The following PPP3CA variants were observed in gnomAD, a reference collection of about 807,000 sequenced individuals.
PPP3CA encodes the protein CAM-PRP catalytic subunit.
A neutral mutation model predicts 66.5 loss-of-function variants in PPP3CA; 14 were observed. That is an observed-to-expected ratio of 0.21 (90% confidence interval 0.14 to 0.33). The LOEUF (loss-of-function observed/expected upper bound fraction) is 0.33, where lower values mean the gene tolerates loss of function less well. Ranked by LOEUF, PPP3CA falls within the 10% of genes least tolerant of loss-of-function variation. The pLI is 1.00. For synonymous variants in PPP3CA, 232 were observed against 226.2 expected (o/e 1.03, Z -0.23); for missense variants, 317 against 639.5 (o/e 0.50, Z 5.44).
chr4:101,200,318 T>C (rs762356690), intron 1 of PPP3CA, among the ~76,000 whole-genome samples: 4 of 152,180 alleles, frequency 2.6e-5, no homozygotes, highest in African/African-American at 7.2e-5. Context: ...TGCAAAGACA[T>C]TGCATCTGTC....
intron 2 of PPP3CA, among the ~76,000 whole-genome samples, chr4:101,162,981 G>T (rs1337661995): frequency 1.3e-5 from 2 of 152,186 alleles, no homozygotes; most frequent in African/African-American, 2.4e-5. Context: ...CTTAGGTTCA[G>T]CCAAGGAGAT....
intron 7 of PPP3CA, among the ~76,000 whole-genome samples, chr4:101,082,927 G>A (rs1485030934): frequency 2.0e-5 from 3 of 152,140 alleles, no homozygotes; most frequent in African/African-American, 4.8e-5. Context: ...TGCCCTTACA[G>A]TACTTAAGAA....
intron 3 of PPP3CA, among the ~76,000 whole-genome samples, chr4:101,106,735 C>T (rs1730772911): frequency 6.6e-6 from 1 of 152,116 alleles, no homozygotes; most frequent in South Asian, 2.1e-4. Flanking sequence ...CCTTCTCTTT[C>T]TCCCTTTCCT....
intron 1 of PPP3CA, among the ~76,000 whole-genome samples, chr4:101,221,465 A>G (rs1725622418): frequency 6.6e-6 from 1 of 151,320 alleles, no homozygotes; most frequent in African/African-American, 2.4e-5. Flanking sequence ...GCATATTTTG[A>G]GAAGTAAACA....
intron 2 of PPP3CA, among the ~76,000 whole-genome samples, chr4:101,168,617 C>T (rs1461663274): frequency 2.0e-5 from 3 of 152,070 alleles, no homozygotes; most frequent in Admixed American, 6.6e-5. Flanking sequence ...AGCAGGTGAG[C>T]ATGGTATCCT....
At position 101,308,081 on chromosome 4, in the gene PPP3CA, A is replaced by C. The variant is rs116237817; in HGVS notation, c.58+38658T>G. ...TCATCTATTGGGTGTGCCTCCAAAC[A>C]ATTTAACAGTACACTTTATAATGAC... On this transcript the variant is annotated intron_variant, in intron 1 of 13. Transcript: ENST00000394854. 3.3e-3 allele frequency among the ~76,000 whole-genome samples: 496 copies of C among 152,290 alleles called. 2 individuals carry two copies. The highest frequency in any genetic ancestry group is 3.6e-3 in the Non-Finnish European group (242 of 68,024).
intron 1 of PPP3CA, among the ~76,000 whole-genome samples, chr4:101,276,866 G>A (rs572540354): frequency 1.5e-4 from 22 of 151,488 alleles, no homozygotes; most frequent in Non-Finnish European, 1.0e-4. Context: ...CTGAGCCAGC[G>A]TTGATACGTT....
chr4:101,266,123 T>C (rs1056630749), intron 1 of PPP3CA, among the ~76,000 whole-genome samples: 1 of 152,134 alleles, frequency 6.6e-6, no homozygotes. Context: ...TAATTAATAA[T>C]TCCAGACTGT....
In PPP3CA at chr4:101,340,891, A is replaced by C. The variant is rs568991545; in HGVS notation, c.58+5848T>G. Among the ~76,000 whole-genome samples the C allele has an allele frequency of 4.6e-5, 7 of 152,328 alleles. No individual in the cohort carries two copies. In the South Asian group the frequency reaches 1.4e-3, roughly 32 times the overall value. ...AAGTGGAGTTCAGAAAAACAGGCTT[A>C]AGACAACATCCTTCAAAATGAAAGT... On this transcript the variant is annotated intron_variant, in intron 1 of 13. Coordinates refer to ENST00000394854, the MANE Select transcript of PPP3CA (RefSeq NM_000944.5).
At chr4:101,273,494 T>C (rs1319434837) in intron 1 of PPP3CA, among the ~76,000 whole-genome samples, 1 of 152,196 alleles carries the variant, frequency 6.6e-6, no homozygotes, top group Non-Finnish European at 1.5e-5. Context: ...GCTCAGCTAA[T>C]TTTTGTACTA....
At chr4:101,245,357 C>T (rs985190408) in intron 1 of PPP3CA, among the ~76,000 whole-genome samples, 4 of 152,174 alleles carry the variant, frequency 2.6e-5, no homozygotes, top group African/African-American at 9.7e-5. Flanking sequence ...GGGCTTATTT[C>T]TGATTTCTCA....
intron 1 of PPP3CA, among the ~76,000 whole-genome samples, chr4:101,334,934 T>C (rs1008849262): frequency 5.3e-5 from 8 of 151,916 alleles, no homozygotes; most frequent in African/African-American, 1.9e-4. Context: ...TAATTTCCAC[T>C]GTGATTAAAG....
At chr4:101,197,717 G>C (rs563676146) in intron 1 of PPP3CA, among the ~76,000 whole-genome samples, 9 of 152,158 alleles carry the variant, frequency 5.9e-5, no homozygotes, top group Non-Finnish European at 1.3e-4. Flanking sequence ...AGATGAGTAA[G>C]GCATACATAC....
intron 9 of PPP3CA, among the ~76,000 whole-genome samples, chr4:101,061,925 GCTA>G (rs1218723436): frequency 6.6e-6 from 1 of 151,904 alleles, no homozygotes; most frequent in African/African-American, 2.4e-5. Flanking sequence ...TTCTTTGAGA[GCTA>G]CTTTTTAAAG....
intron 1 of PPP3CA, among the ~76,000 whole-genome samples, chr4:101,257,043 G>C (rs1726865673): frequency 6.6e-6 from 1 of 151,946 alleles, no homozygotes; most frequent in Non-Finnish European, 1.5e-5. Context: ...TCTTATTATG[G>C]AACTCATTCT....
At chr4:101,140,451 C>T (rs534841927) in intron 2 of PPP3CA, among the ~76,000 whole-genome samples, 1 of 152,298 alleles carries the variant, frequency 6.6e-6, no homozygotes, top group Admixed American at 6.5e-5. Context: ...ATTTGATCAG[C>T]TCTCCTCAGC....
At position 101,073,228 on chromosome 4, in the gene PPP3CA, C is replaced by CGTGTGT. The variant is rs74947807; in HGVS notation, c.955+7298_955+7303dup. ...TCTTTTCTACCACCATATATATATA[C>CGTGTGT]GTGTGTGTGTGTGTGTGTGTGTGTG... On this transcript the variant is annotated intron_variant, in intron 8 of 13. Coordinates refer to ENST00000394854, the MANE Select transcript of PPP3CA (RefSeq NM_000944.5). Among the ~76,000 whole-genome samples the CGTGTGT allele has an allele frequency of 7.2e-3, 1,037 of 143,804 alleles. 13 individuals carry two copies. Among genetic ancestry groups the CGTGTGT allele is most frequent in the African/African-American group, 0.026 (997 of 39,000 alleles). 94.3% of individuals were successfully genotyped at this position (143,804 alleles called of 152,430 possible).
chr4:101,313,538 G>C (rs1171722608), intron 1 of PPP3CA, among the ~76,000 whole-genome samples: 4 of 152,278 alleles, frequency 2.6e-5, no homozygotes, highest in African/African-American at 7.2e-5. Context: ...TTCAGTTTAT[G>C]TTCAGTTTTG....
At chr4:101,339,058 T>C (rs1281653178) in intron 1 of PPP3CA, among the ~76,000 whole-genome samples, 1 of 152,178 alleles carries the variant, frequency 6.6e-6, no homozygotes, top group Non-Finnish European at 1.5e-5. Flanking sequence ...GTGCCACCTT[T>C]TTCTTAACTT....
Sources: allele counts gnomAD v4.1 joint callset (sites outside exome capture counted in the v4.1 genomes callset), GRCh38; gene constraint gnomAD v4.1.1; transcripts MANE v1.5; gene names NCBI Gene and HGNC (gene_info 2026-07-23, HGNC 2026-07-21).